Variants in CDC42SE2 observed in about 807,000 individuals in gnomAD.
The protein encoded by CDC42SE2 is CDC42 small effector 2, also known as CDC42 small effector protein 2.
CDC42SE2 carries 3 observed loss-of-function variants against 11.5 expected under a neutral mutation model. The ratio of observed to expected loss-of-function variants is 0.26; its 90% confidence interval spans 0.12 to 0.67. The LOEUF is 0.67. CDC42SE2 is among the 30% of genes least tolerant of loss of function. The pLI is 0.80. For missense variants in CDC42SE2, 82 were observed against 106.8 expected, an observed-to-expected ratio of 0.77 and a Z score of 1.02; for synonymous variants, 33 against 34.8, an observed-to-expected ratio of 0.95 and a Z score of 0.18.
chr5:131,293,520 G>C lies in CDC42SE2; in HGVS notation c.-454-22456G>C, dbSNP rs1757506317. On this transcript the variant is annotated intron_variant, in intron 1 of 4. Coordinates refer to ENST00000505065, the MANE Select transcript of CDC42SE2 (RefSeq NM_001375635.1). ...CCGGGAGGCGGAGGTTGCAGTGAGT[G>C]GAGATCAGGCCACTGCACTCTAGCC... Among the ~76,000 whole-genome samples the C allele has an allele frequency of 2.0e-5, 3 of 149,464 alleles. No individual in the cohort carries two copies. The South Asian group carries it at 6.4e-4, about 32-fold the overall frequency.
chr5:131,361,190 G>A (rs1749698328), intron 3 of CDC42SE2, among the ~76,000 whole-genome samples: 1 of 151,142 alleles, frequency 6.6e-6, no homozygotes, highest in Non-Finnish European at 1.5e-5. Flanking sequence ...TATAATAAAG[G>A]GTATATAATA....
At chr5:131,385,433 G>C in intron 3 of CDC42SE2, 110 bp from the exon 4 acceptor site, 1 of 653,974 alleles carries the variant, frequency 1.5e-6, no homozygotes, top group East Asian at 2.8e-5. Flanking sequence ...CTAAGAGCTA[G>C]GCATTTTTGT....
chr5:131,267,161 T>C (rs1756885521), intron 1 of CDC42SE2, among the ~76,000 whole-genome samples: 1 of 151,590 alleles, frequency 6.6e-6, no homozygotes, highest in African/African-American at 2.4e-5. Context: ...TTCAAGCAAT[T>C]CTCCTGCCTC....
In CDC42SE2 at chr5:131,376,229, CTT is replaced by C. The variant is rs1487437146; in HGVS notation, c.55-9313_55-9312del. Reference sequence around the variant, plus strand: ...ACTCCAACCTGGGTGACGAATGACTCTTGTCTCAAAAAAAAAAACAAAAAACC... The same window carrying C: ...ACTCCAACCTGGGTGACGAATGACTCGTCTCAAAAAAAAAAACAAAAAACC... On this transcript the variant is annotated intron_variant, in intron 3 of 4. Coordinates refer to ENST00000505065, the MANE Select transcript of CDC42SE2 (RefSeq NM_001375635.1). 9.9e-3 allele frequency among the ~76,000 whole-genome samples: 1,484 copies of C among 150,514 alleles called. 26 individuals are homozygous for C. The highest frequency in any genetic ancestry group is 0.034 in the African/African-American group (1,389 of 40,544).
At chr5:131,337,988 G>T (rs961645907) in intron 2 of CDC42SE2, among the ~76,000 whole-genome samples, 3 of 152,250 alleles carry the variant, frequency 2.0e-5, no homozygotes, top group Non-Finnish European at 4.4e-5. Flanking sequence ...GCACTCCCCA[G>T]TGAGATGAAC....
chr5:131,267,776 T>C (rs1165768944), intron 1 of CDC42SE2, among the ~76,000 whole-genome samples: 1 of 152,184 alleles, frequency 6.6e-6, no homozygotes, highest in Non-Finnish European at 1.5e-5. Flanking sequence ...CCCAGTTGTC[T>C]TTTTTAAAAT....
At chr5:131,236,517 C>T in the CDC42SE2 span, among the ~76,000 whole-genome samples, 12 of 152,090 alleles carry the variant, frequency 7.9e-5, no homozygotes, top group Non-Finnish European at 1.5e-4. Flanking sequence ...GTCTCCGCTT[C>T]CTAGGTTCAA....
intron 1 of CDC42SE2, among the ~76,000 whole-genome samples, chr5:131,313,905 G>A (rs1032127943): frequency 2.6e-5 from 4 of 152,070 alleles, no homozygotes; most frequent in African/African-American, 9.7e-5. Flanking sequence ...TTGGCTCACT[G>A]CAACCTCTGT....
chr5:131,212,891 A>T, the CDC42SE2 span, among the ~76,000 whole-genome samples: 1 of 151,576 alleles, frequency 6.6e-6, no homozygotes. Context: ...CACATTGTAT[A>T]AAAAAAAATA....
chr5:131,326,815 A>C (rs542250746), intron 2 of CDC42SE2, among the ~76,000 whole-genome samples: 2 of 152,024 alleles, frequency 1.3e-5, no homozygotes, highest in African/African-American at 2.4e-5. Context: ...GAATCTGCCT[A>C]TGTTGGCTAG....
At chr5:131,351,036 C>G (rs1287085733) in intron 2 of CDC42SE2, among the ~76,000 whole-genome samples, 1 of 152,106 alleles carries the variant, frequency 6.6e-6, no homozygotes, top group Non-Finnish European at 1.5e-5. Context: ...GCCTCAACCT[C>G]CCAGGCTCAA....
At chr5:131,361,247 T>C (rs1000632412) in intron 3 of CDC42SE2, among the ~76,000 whole-genome samples, 1 of 152,132 alleles carries the variant, frequency 6.6e-6, no homozygotes, top group African/African-American at 2.4e-5. Context: ...CACCAATAGC[T>C]AAAATAGGAA....
intron 2 of CDC42SE2, among the ~76,000 whole-genome samples, chr5:131,347,537 C>A (rs1758879074): frequency 6.6e-6 from 1 of 152,110 alleles, no homozygotes; most frequent in Non-Finnish European, 1.5e-5. Context: ...AGTCCAGGAC[C>A]ACATAGATTC....
the CDC42SE2 span, among the ~76,000 whole-genome samples, chr5:131,217,294 A>G: frequency 2.0e-5 from 3 of 152,222 alleles, no homozygotes; most frequent in East Asian, 3.9e-4. Context: ...ATTATTTACT[A>G]TCTATCTCTT....
chr5:131,224,033 T>C, the CDC42SE2 span, among the ~76,000 whole-genome samples: 2 of 152,178 alleles, frequency 1.3e-5, no homozygotes, highest in Non-Finnish European at 2.9e-5. Flanking sequence ...GCATACCCTC[T>C]TGGTTTTCTT....
chr5:131,346,266 T>G (rs568745829), intron 2 of CDC42SE2, among the ~76,000 whole-genome samples: 53 of 152,222 alleles, frequency 3.5e-4, no homozygotes, highest in Non-Finnish European at 6.2e-4. Flanking sequence ...CCATCTCAAG[T>G]GCAGAGACAC....
intron 1 of CDC42SE2, among the ~76,000 whole-genome samples, chr5:131,306,905 G>C (rs929932288): frequency 6.6e-6 from 1 of 151,954 alleles, no homozygotes; most frequent in African/African-American, 2.4e-5. Flanking sequence ...AGTTGTTAGT[G>C]TAAAGAAATG....
At chr5:131,279,620 T>G (rs561214443) in intron 1 of CDC42SE2, among the ~76,000 whole-genome samples, 1 of 152,158 alleles carries the variant, frequency 6.6e-6, no homozygotes, top group Non-Finnish European at 1.5e-5. Context: ...TGGTGTTGTC[T>G]TGTTTTCTCA....
chr5:131,217,899 G>C, the CDC42SE2 span, among the ~76,000 whole-genome samples: 1 of 152,176 alleles, frequency 6.6e-6, no homozygotes, highest in South Asian at 2.1e-4. Context: ...ATGAGGCTGG[G>C]CACAGTGGCT....
Sources: allele counts gnomAD v4.1 joint callset (sites outside exome capture counted in the v4.1 genomes callset), GRCh38; gene constraint gnomAD v4.1.1; transcripts MANE v1.5; gene names NCBI Gene and HGNC (gene_info 2026-07-23, HGNC 2026-07-21).